Variants in RAB6B observed in about 807,000 individuals in gnomAD.
RAB6B encodes ras-related protein Rab-6B.
In RAB6B, 7 loss-of-function variants were observed where a neutral mutation model predicts 31.2. The observed-to-expected ratio is 0.22, with a 90% CI of 0.13 to 0.42. The LOEUF (loss-of-function observed/expected upper bound fraction) is 0.42, where lower values mean the gene tolerates loss of function less well. Ranked by LOEUF, RAB6B falls within the 10% of genes least tolerant of loss-of-function variation. The pLI, the probability that RAB6B is intolerant of heterozygous loss-of-function variation, is 1.00. For missense variants in RAB6B, 149 were observed against 280.6 expected, an observed-to-expected ratio of 0.53 and a Z score of 3.35; for synonymous variants, 105 against 104.9, an observed-to-expected ratio of 1.00 and a Z score of -0.01.
chr3:133,878,486 C>T (rs1268149211), intron 1 of RAB6B, among the ~76,000 whole-genome samples: 1 of 152,126 alleles, frequency 6.6e-6, no homozygotes, highest in Non-Finnish European at 1.5e-5. Context: ...TTCAAACATA[C>T]AAAAGCTGAC....
At chr3:133,885,300 G>A (rs1482785571) in intron 1 of RAB6B, among the ~76,000 whole-genome samples, 1 of 147,772 alleles carries the variant, frequency 6.8e-6, no homozygotes, top group Non-Finnish European at 1.5e-5. Flanking sequence ...AATGACCAGA[G>A]TATAGGGGAC....
At chr3:133,873,893 A>T (rs1198243316) in intron 1 of RAB6B, among the ~76,000 whole-genome samples, 17 of 152,232 alleles carry the variant, frequency 1.1e-4, no homozygotes, top group Admixed American at 1.1e-3. Flanking sequence ...TATATACTCT[A>T]TTCTTAAGAT....
Position 133,825,051 on chromosome 3 carries a change from G to C in RAB6B, c.*3737C>G, listed in dbSNP as rs1199300964. 1 of 152,146 alleles carries C rather than the reference G, an allele frequency of 6.6e-6. No individual in the cohort carries two copies. Among genetic ancestry groups the C allele is most frequent in the Non-Finnish European group, 1.5e-5 (1 of 68,036 alleles). 9.4% of individuals were successfully genotyped at this position (152,146 alleles called of 1,614,324 possible). On this transcript the variant is annotated 3_prime_UTR_variant, in exon 8 of 8. Transcript: ENST00000285208. ...CAATGCCTCACATTCTTTGGGGAGA[G>C]GCAGTTCGGAAACGAGTGTGCGCAC...
chr3:133,833,779 A>C (rs1935691093), intron 7 of RAB6B, among the ~76,000 whole-genome samples: 1 of 152,074 alleles, frequency 6.6e-6, no homozygotes. Context: ...AGGGATCTGC[A>C]TGCTTGTTTT....
Position 133,828,743 on chromosome 3 carries a change from A to C in RAB6B, c.*45T>G, listed in dbSNP as rs758028508. On this transcript the variant is annotated 3_prime_UTR_variant, in exon 8 of 8. Transcript: ENST00000285208. ...AGGAAGCTAGCCAATAGGAAGCAAC[A>C]CAACAAGCAAGGAGTGTCATGGGAA... 6.5e-7 allele frequency: 1 copy of C among 1,550,196 alleles called. No homozygotes were observed. Among genetic ancestry groups the C allele is most frequent in the Admixed American group, 1.7e-5 (1 of 59,900 alleles).
chr3:133,850,583 G>C (rs1332409313), intron 2 of RAB6B, among the ~76,000 whole-genome samples: 2 of 151,992 alleles, frequency 1.3e-5, no homozygotes, highest in Non-Finnish European at 2.9e-5. Flanking sequence ...AATAGTCAGT[G>C]AACTTGAAAA....
At chr3:133,854,488 T>A (rs1390950839) in intron 2 of RAB6B, among the ~76,000 whole-genome samples, 1 of 152,222 alleles carries the variant, frequency 6.6e-6, no homozygotes, top group African/African-American at 2.4e-5. Context: ...TGGGCACACC[T>A]CCTGCACTGC....
At position 133,874,316 on chromosome 3, in the gene RAB6B, A is replaced by G. The variant is rs746791690; in HGVS notation, c.71-9674T>C. Among the ~76,000 whole-genome samples, 97 of 152,202 alleles carry G rather than the reference A, an allele frequency of 6.4e-4. 1 individual carries two copies. Among genetic ancestry groups the G allele is most frequent in the Admixed American group, 2.0e-3 (31 of 15,280 alleles). On this transcript the variant is annotated intron_variant, in intron 1 of 7. Transcript: ENST00000285208. ...CATAAAGTATGCTTCCCAAACCTAG[A>G]TGGTACAGCTTACTACACACCTAGG...
intron 7 of RAB6B, among the ~76,000 whole-genome samples, chr3:133,832,614 C>A (rs944486868): frequency 6.6e-6 from 1 of 152,198 alleles, no homozygotes; most frequent in Non-Finnish European, 1.5e-5. Context: ...ACACCCCATC[C>A]CGAAAGAAGC....
chr3:133,895,070 C>A (rs1576413979), intron 1 of RAB6B, among the ~76,000 whole-genome samples: 1 of 152,176 alleles, frequency 6.6e-6, no homozygotes, highest in East Asian at 1.9e-4. Flanking sequence ...AGCTAGCCAG[C>A]GAGCCCGGTT....
intron 7 of RAB6B, among the ~76,000 whole-genome samples, chr3:133,833,423 C>T (rs1409025524): frequency 6.6e-6 from 1 of 152,116 alleles, no homozygotes; most frequent in Non-Finnish European, 1.5e-5. Flanking sequence ...CTTGGTGAGC[C>T]TTCCTGACCC....
chr3:133,836,380 G>A (rs893408767), intron 6 of RAB6B, among the ~76,000 whole-genome samples: 2 of 152,240 alleles, frequency 1.3e-5, no homozygotes, highest in Non-Finnish European at 2.9e-5. Flanking sequence ...TGCCACTAGG[G>A]ATTTTGAAGG....
chr3:133,876,750 A>G (rs1022008406), intron 1 of RAB6B, among the ~76,000 whole-genome samples: 1 of 152,214 alleles, frequency 6.6e-6, no homozygotes, highest in Non-Finnish European at 1.5e-5. Flanking sequence ...AAGAGTCTGG[A>G]GTGCAGAAAT....
rs942154333 is a variant in RAB6B, at chr3:133,828,270, G to A, written c.*518C>T. 3.2e-5 allele frequency: 15 copies of A among 467,006 alleles called. No homozygotes were observed. Among genetic ancestry groups the A allele is most frequent in the Non-Finnish European group, 4.6e-5 (12 of 261,036 alleles). 28.9% of individuals were successfully genotyped at this position (467,006 alleles called of 1,614,324 possible). A position where few individuals can be genotyped will look rare whatever the true frequency, so the allele number is the denominator to read the frequency against. ...TTTGATTTAACTGGAGTAGGGCCTA[G>A]AGAGTGGGGCCAGATGGCCCCAGAC... On this transcript the variant is annotated 3_prime_UTR_variant, in exon 8 of 8. Coordinates refer to ENST00000285208, the MANE Select transcript of RAB6B (RefSeq NM_016577.4).
In RAB6B at chr3:133,828,795, G is replaced by A. The variant is rs149351332; in HGVS notation, c.620C>T (p.Ser207Phe). The change falls in exon 8 of 8, where the codon TCC becomes TTC. Residue 207 changes from serine (S) to phenylalanine (F), a missense_variant. Coordinates refer to ENST00000285208, the MANE Select transcript of RAB6B (RefSeq NM_016577.4). ...QEPPASEGGC[S>F]C ...CCACAGGTCGGCTCTGCATTAGCAG[G>A]AGCAGCCGCCCTCGCTGGCCGGGGG... The A allele has an allele frequency of 1.2e-3, 1,899 of 1,611,374 alleles. 1 individual carries two copies. The highest frequency in any genetic ancestry group is 1.4e-3 in the Non-Finnish European group (1,686 of 1,178,120).
At chr3:133,869,582 C>T (rs1253115285) in intron 1 of RAB6B, among the ~76,000 whole-genome samples, 3 of 152,256 alleles carry the variant, frequency 2.0e-5, no homozygotes, top group Non-Finnish European at 4.4e-5. Context: ...ATCCCATGTG[C>T]TCTTCTTACA....
intron 1 of RAB6B, among the ~76,000 whole-genome samples, chr3:133,887,662 G>A (rs1258364641): frequency 6.6e-6 from 1 of 152,174 alleles, no homozygotes; most frequent in Non-Finnish European, 1.5e-5. Flanking sequence ...GAGATGGGCT[G>A]GGGCTTATCC....
At chr3:133,839,424 A>C in intron 5 of RAB6B, 82 bp downstream of exon 5, 2 of 1,215,426 alleles carry the variant, frequency 1.6e-6, no homozygotes, top group Non-Finnish European at 2.4e-6. Flanking sequence ...CACACCACCC[A>C]TGCATCCCAG....
rs1013731956 is a variant in RAB6B, at chr3:133,895,725, T to C, written c.-259A>G. ...CTGCTGCGGTCGGCACTGGCTGCGG[T>C]GCGAGGGGCGCGCTCTTTACGCCCG... On this transcript the variant is annotated 5_prime_UTR_variant, in exon 1 of 8. Transcript: ENST00000285208. The C allele has an allele frequency of 2.0e-6, 1 of 493,832 alleles. No homozygotes were observed. The highest frequency in any genetic ancestry group is 2.1e-5 in the African/African-American group (1 of 48,642). 30.6% of individuals were successfully genotyped at this position (493,832 alleles called of 1,614,324 possible).
Sources: gnomAD v4.1 joint callset for allele counts (sites outside exome capture counted in the v4.1 genomes callset) on GRCh38, gnomAD v4.1.1 for gene constraint, MANE v1.5 for transcripts, NCBI Gene and HGNC (gene_info 2026-07-23, HGNC 2026-07-21) for gene names.